The following EXOC6B variants were observed in gnomAD, a reference collection of about 807,000 sequenced individuals.
The protein encoded by EXOC6B is SEC15 homolog B.
A neutral mutation model predicts 113.5 loss-of-function variants in EXOC6B; 54 were observed. The observed-to-expected ratio is 0.48, with a 90% CI of 0.38 to 0.60. The LOEUF (loss-of-function observed/expected upper bound fraction) is 0.60, where lower values mean the gene tolerates loss of function less well. Ranked by LOEUF, EXOC6B falls within the 20% of genes least tolerant of loss-of-function variation. The pLI is 0.00. For synonymous variants in EXOC6B, 357 were observed against 339.0 expected (o/e 1.05, Z -0.58); for missense variants, 797 against 977.5 (o/e 0.82, Z 2.46).
intron 20 of EXOC6B, among the ~76,000 whole-genome samples, chr2:72,214,239 G>T (rs1482686064): frequency 5.8e-5 from 7 of 119,722 alleles, no homozygotes; most frequent in African/African-American, 1.8e-4. Flanking sequence ...TGTAATCCCA[G>T]CACTTTGGGA....
intron 6 of EXOC6B, among the ~76,000 whole-genome samples, chr2:72,596,902 T>A (rs765370034): frequency 5.3e-5 from 8 of 151,468 alleles, no homozygotes. Flanking sequence ...CCTACCTAGA[T>A]AAACATAAAT....
At chr2:72,228,499 T>C (rs551346992) in intron 20 of EXOC6B, among the ~76,000 whole-genome samples, 4 of 148,538 alleles carry the variant, frequency 2.7e-5, no homozygotes, top group African/African-American at 9.9e-5. Context: ...TTCCCACCTA[T>C]GAGTGAGAAC....
chr2:72,629,202 A>G (rs1032166448), intron 6 of EXOC6B, among the ~76,000 whole-genome samples: 1 of 152,206 alleles, frequency 6.6e-6, no homozygotes, highest in African/African-American at 2.4e-5. Context: ...ACAAAGCTAA[A>G]TATAACATTC....
intron 18 of EXOC6B, among the ~76,000 whole-genome samples, chr2:72,461,278 C>T (rs1209683856): frequency 6.7e-6 from 1 of 149,286 alleles, no homozygotes; most frequent in Admixed American, 6.7e-5. Flanking sequence ...TTAATGAGTG[C>T]AGCACACCAG....
intron 11 of EXOC6B, among the ~76,000 whole-genome samples, chr2:72,504,085 T>A (rs1197408723): frequency 6.6e-6 from 1 of 152,080 alleles, no homozygotes; most frequent in African/African-American, 2.4e-5. Context: ...TTTTTTAATT[T>A]TTTTTGTAGA....
chr2:72,413,470 G>A (rs539554485), intron 18 of EXOC6B, among the ~76,000 whole-genome samples: 12 of 150,428 alleles, frequency 8.0e-5, no homozygotes, highest in Admixed American at 2.6e-4. Flanking sequence ...GGCAGATCAC[G>A]AGGTCAGATC....
intron 20 of EXOC6B, among the ~76,000 whole-genome samples, chr2:72,300,617 C>T (rs935292962): frequency 8.5e-5 from 13 of 152,148 alleles, no homozygotes; most frequent in African/African-American, 2.7e-4. Flanking sequence ...AAATGGTTGC[C>T]CAGTTTTGTG....
chr2:72,293,441 C>A (rs1460416257), intron 20 of EXOC6B, among the ~76,000 whole-genome samples: 1 of 152,006 alleles, frequency 6.6e-6, no homozygotes. Context: ...GAGAAAGGGA[C>A]AATGAGGGTA....
chr2:72,715,311 A>C lies in EXOC6B; in HGVS notation c.669+2792T>G, dbSNP rs146891847. On this transcript the variant is annotated intron_variant, in intron 6 of 21. Coordinates refer to ENST00000272427, the MANE Select transcript of EXOC6B (RefSeq NM_015189.3). ...AGCAGGCAGTAAAAGACATATATAA[A>C]TGTAAATGTAGACACAATTGCAGAT... is the stretch of plus-strand genomic sequence containing the variant. Among the ~76,000 whole-genome samples the C allele has an allele frequency of 6.7e-3, 1,022 of 152,004 alleles. 13 individuals are homozygous for C. Among genetic ancestry groups the C allele is most frequent in the African/African-American group, 0.023 (974 of 41,470 alleles).
chr2:72,565,081 C>G (rs138815934), intron 7 of EXOC6B, among the ~76,000 whole-genome samples: 2 of 152,050 alleles, frequency 1.3e-5, no homozygotes, highest in African/African-American at 2.4e-5. Flanking sequence ...CCAGGCATGG[C>G]GGCTTACACC....
intron 1 of EXOC6B, among the ~76,000 whole-genome samples, chr2:72,815,842 A>C (rs753859786): frequency 4.6e-5 from 7 of 152,344 alleles, no homozygotes; most frequent in Non-Finnish European, 7.3e-5. Flanking sequence ...ACTTGTGGGA[A>C]TCTATCCTAT....
intron 19 of EXOC6B, among the ~76,000 whole-genome samples, chr2:72,357,497 C>G (rs190765773): frequency 1.1e-4 from 16 of 152,092 alleles, no homozygotes; most frequent in Admixed American, 9.2e-4. Flanking sequence ...TTGAGACCAG[C>G]CTGGCCAACA....
Position 72,763,073 on chromosome 2 carries a change from G to C in EXOC6B, c.114-21604C>G, listed in dbSNP as rs984677997. ...CACTAAGAAGGTATACCTAACAATG[G>C]AATCTTTAAAAATATTTGGTTGTTC... On this transcript the variant is annotated intron_variant, in intron 1 of 21. Transcript: ENST00000272427. Among the ~76,000 whole-genome samples, 8 of 151,420 alleles carry C rather than the reference G, an allele frequency of 5.3e-5. No homozygotes were observed. The South Asian group carries it at 1.7e-3, about 32-fold the overall frequency.
intron 2 of EXOC6B, among the ~76,000 whole-genome samples, chr2:72,737,350 A>G (rs1681031981): frequency 1.3e-5 from 2 of 152,074 alleles, no homozygotes; most frequent in South Asian, 4.1e-4. Context: ...CCTCAAAAAA[A>G]ATTAAAAAAA....
At position 72,179,361 on chromosome 2, in the gene EXOC6B, C is replaced by A. The variant is rs753542515; in HGVS notation, c.2410G>T (p.Gly804Ter). 1.2e-6 allele frequency: 2 copies of A among 1,612,078 alleles called. No individual in the cohort carries two copies. Among genetic ancestry groups the A allele is most frequent in the Non-Finnish European group, 8.5e-7 (1 of 1,179,108 alleles). Residue 804 changes from glycine (G) to a stop codon, truncating the protein, a stop_gained, in exon 22 of 22, where the codon GGA (glycine) becomes TGA (stop). Transcript: ENST00000272427. LOFTEE classifies it high-confidence loss of function. The part of the protein sequence containing the change: ...LIDTVAKQLR[G>*]LISSHHS The stretch of plus-strand genomic sequence containing the variant: ...CATGAGTGGTGGCTGCTGATGAGTC[C>A]TCGGAGCTGCTTGGCCACGGTGTCA...
chr2:72,394,197 A>G (rs1692575012), intron 18 of EXOC6B, among the ~76,000 whole-genome samples: 2 of 152,180 alleles, frequency 1.3e-5, no homozygotes, highest in African/African-American at 4.8e-5. Context: ...GACATTAGGT[A>G]TATTTGCTTA....
At chr2:72,772,528 T>C (rs1683463433) in intron 1 of EXOC6B, among the ~76,000 whole-genome samples, 1 of 152,094 alleles carries the variant, frequency 6.6e-6, no homozygotes, top group African/African-American at 2.4e-5. Context: ...GATCCAAGCT[T>C]CAGGCCTGCT....
chr2:72,442,078 G>C (rs1272783163), intron 18 of EXOC6B, among the ~76,000 whole-genome samples: 1 of 152,092 alleles, frequency 6.6e-6, no homozygotes, highest in Non-Finnish European at 1.5e-5. Context: ...TAATTCCCAG[G>C]ACTCAAGGTT....
intron 18 of EXOC6B, among the ~76,000 whole-genome samples, chr2:72,459,199 G>A (rs987203153): frequency 4.0e-5 from 6 of 151,840 alleles, no homozygotes; most frequent in African/African-American, 9.7e-5. Context: ...TTGATGGGAC[G>A]TATCTCAAAA....
Sources: allele counts gnomAD v4.1 joint callset (sites outside exome capture counted in the v4.1 genomes callset), GRCh38; gene constraint gnomAD v4.1.1; transcripts MANE v1.5; gene names NCBI Gene and HGNC (gene_info 2026-07-23, HGNC 2026-07-21).